Variants in ACSS3 observed in about 807,000 individuals in gnomAD.
The protein encoded by ACSS3 is acyl-CoA synthetase short chain family member 3, also known as acyl-CoA synthetase short-chain family member 3, mitochondrial.
Under a neutral mutation model 84.2 loss-of-function variants are expected in ACSS3, and 64 were observed. The observed-to-expected ratio is 0.76, with a 90% CI of 0.62 to 0.94. ACSS3 has a LOEUF of 0.94. ACSS3 is among the 40% of genes least tolerant of loss of function. The pLI is 0.00. For missense variants in ACSS3, 815 were observed against 867.6 expected (o/e 0.94, Z 0.76); for synonymous variants, 317 against 310.1 (o/e 1.02, Z -0.23).
chr12:81,248,378 G>A (rs2034049719), intron 13 of ACSS3, among the ~76,000 whole-genome samples: 1 of 151,954 alleles, frequency 6.6e-6, no homozygotes, highest in Non-Finnish European at 1.5e-5. Flanking sequence ...TGGCCATAAA[G>A]AAATAATAAA....
chr12:81,222,090 A>G (rs1037713977), intron 11 of ACSS3, among the ~76,000 whole-genome samples: 1 of 152,116 alleles, frequency 6.6e-6, no homozygotes, highest in African/African-American at 2.4e-5. Context: ...AAAAGTAACA[A>G]CTATTGCCTT....
chr12:81,079,092 T>C lies in ACSS3; in HGVS notation c.311+661T>C, dbSNP rs1329658134. 2.6e-5 allele frequency among the ~76,000 whole-genome samples: 4 copies of C among 152,106 alleles called. No homozygotes were observed. The East Asian group carries it at 7.7e-4, about 29-fold the overall frequency. Reference sequence around the variant, plus strand: ...ATCAGATCCATAGGCCTGTTGTGTATATGAAGCTGCAGTATGGGGTACCCA... The same window carrying C: ...ATCAGATCCATAGGCCTGTTGTGTACATGAAGCTGCAGTATGGGGTACCCA... On this transcript the variant is annotated intron_variant, in intron 1 of 15. Transcript: ENST00000548058.
intron 9 of ACSS3, among the ~76,000 whole-genome samples, chr12:81,214,264 G>C (rs1391405114): frequency 6.6e-6 from 1 of 151,928 alleles, no homozygotes; most frequent in African/African-American, 2.4e-5. Flanking sequence ...GACCTCTGGT[G>C]ATCCACCAGC....
chr12:81,114,752 A>G (rs1410426483), intron 2 of ACSS3, among the ~76,000 whole-genome samples: 2 of 152,254 alleles, frequency 1.3e-5, no homozygotes, highest in East Asian at 3.9e-4. Context: ...TTTTCCTGGC[A>G]TGCAATTTTT....
In ACSS3 at chr12:81,259,105, A is replaced by G. The variant is rs1191377362; in HGVS notation, c.*4183A>G. On this transcript the variant is annotated 3_prime_UTR_variant, in exon 16 of 16. Coordinates refer to ENST00000548058, the MANE Select transcript of ACSS3 (RefSeq NM_024560.4). The stretch of plus-strand genomic sequence containing the variant: ...TTACATGATCAGAGGCAGGTTGTTC[A>G]GCTTTAAGTATTGACAGACTTGAAG... The G allele has an allele frequency of 5.7e-6, 1 of 175,376 alleles. No homozygotes were observed. Among genetic ancestry groups the G allele is most frequent in the Non-Finnish European group, 1.2e-5 (1 of 83,474 alleles). 10.9% of individuals were successfully genotyped at this position (175,376 alleles called of 1,614,324 possible).
intron 13 of ACSS3, among the ~76,000 whole-genome samples, chr12:81,242,849 G>C (rs996161535): frequency 4.6e-5 from 7 of 151,822 alleles, no homozygotes; most frequent in African/African-American, 1.7e-4. Context: ...GATATTGATG[G>C]GATGTATCTC....
chr12:81,185,932 G>T (rs1267923531), intron 8 of ACSS3, among the ~76,000 whole-genome samples: 1 of 151,722 alleles, frequency 6.6e-6, no homozygotes, highest in Non-Finnish European at 1.5e-5. Flanking sequence ...AAAGTTGGAG[G>T]CATCACACTT....
At chr12:81,159,841 TC>T (rs1887064145) in intron 7 of ACSS3, among the ~76,000 whole-genome samples, 1 of 152,236 alleles carries the variant, frequency 6.6e-6, no homozygotes, top group South Asian at 2.1e-4. Flanking sequence ...CTTGCCTCTC[TC>T]TTCTTTCTAG....
At chr12:81,159,361 A>G (rs34990923) in intron 7 of ACSS3, among the ~76,000 whole-genome samples, 6 of 152,202 alleles carry the variant, frequency 3.9e-5, no homozygotes, top group Non-Finnish European at 7.3e-5. Flanking sequence ...AAGAATAATA[A>G]AGTTACCAAA....
At chr12:81,236,090 A>G (rs752453367) in intron 13 of ACSS3, among the ~76,000 whole-genome samples, 6 of 151,390 alleles carry the variant, frequency 4.0e-5, no homozygotes, top group Non-Finnish European at 5.9e-5. Flanking sequence ...AACTGTAGGT[A>G]TTTCTGTAAA....
chr12:81,202,771 G>T (rs768039506), intron 9 of ACSS3, among the ~76,000 whole-genome samples: 1 of 152,166 alleles, frequency 6.6e-6, no homozygotes, highest in African/African-American at 2.4e-5. Context: ...TTTGAAATTA[G>T]TAAGGGATAT....
intron 4 of ACSS3, among the ~76,000 whole-genome samples, chr12:81,139,611 T>C (rs935098230): frequency 5.4e-5 from 7 of 129,862 alleles, no homozygotes; most frequent in Non-Finnish European, 1.1e-4. Flanking sequence ...AATGAATATA[T>C]ATATATAAAA....
At chr12:81,196,434 T>A (rs1195895506) in intron 8 of ACSS3, among the ~76,000 whole-genome samples, 1 of 152,318 alleles carries the variant, frequency 6.6e-6, no homozygotes, top group East Asian at 1.9e-4. Flanking sequence ...TTTGGATATA[T>A]GTATTTTAAT....
intron 11 of ACSS3, among the ~76,000 whole-genome samples, chr12:81,228,340 C>T (rs1034030065): frequency 6.6e-6 from 1 of 151,806 alleles, no homozygotes; most frequent in Non-Finnish European, 1.5e-5. Context: ...TATAAACTTA[C>T]TCAGACCTTT....
chr12:81,205,280 G>A (rs569900040), intron 9 of ACSS3, among the ~76,000 whole-genome samples: 197 of 152,162 alleles, frequency 1.3e-3, no homozygotes, highest in African/African-American at 4.5e-3. Flanking sequence ...ATGTGTCAGG[G>A]CTGCTTGTTA....
At chr12:81,176,168 A>G (rs890358032) in intron 8 of ACSS3, among the ~76,000 whole-genome samples, 1 of 152,242 alleles carries the variant, frequency 6.6e-6, no homozygotes, top group African/African-American at 2.4e-5. Context: ...AGGGAACATT[A>G]GCATTGATTC....
At position 81,253,625 on chromosome 12, in the gene ACSS3, C is replaced by G. The variant is rs763173383; in HGVS notation, c.1950C>G (p.Ile650Met). The change falls in exon 15 of 16, where the codon ATC (isoleucine) becomes ATG (methionine). Residue 650 changes from isoleucine (I) to methionine (M), a missense_variant. Coordinates refer to ENST00000548058, the MANE Select transcript of ACSS3 (RefSeq NM_024560.4). Reference sequence around the variant, plus strand: ...TACCCAAAACCAGATCTGGCAAGATCCCCCGATCAGCTTTATCTGCCATTG... The same window carrying G: ...TACCCAAAACCAGATCTGGCAAGATGCCCCGATCAGCTTTATCTGCCATTG... ...KQLPKTRSGK[I>M]PRSALSAIVN... 4 of 1,613,752 alleles carry G rather than the reference C, an allele frequency of 2.5e-6. No homozygotes were observed. The African/African-American group carries it at 5.3e-5, about 22-fold the overall frequency.
chr12:81,148,180 T>C (rs933810351), intron 5 of ACSS3, among the ~76,000 whole-genome samples: 2 of 152,132 alleles, frequency 1.3e-5, no homozygotes, highest in Non-Finnish European at 2.9e-5. Context: ...ACTTATATTT[T>C]TACAATGAAG....
intron 13 of ACSS3, among the ~76,000 whole-genome samples, chr12:81,250,281 A>G (rs2034110213): frequency 6.6e-6 from 1 of 152,102 alleles, no homozygotes; most frequent in Non-Finnish European, 1.5e-5. Flanking sequence ...GCCAACATAA[A>G]AAGCTACCAC....
Sources: allele counts gnomAD v4.1 joint callset (sites outside exome capture counted in the v4.1 genomes callset), GRCh38; gene constraint gnomAD v4.1.1; transcripts MANE v1.5; gene names NCBI Gene and HGNC (gene_info 2026-07-23, HGNC 2026-07-21).